The following GRHL2 variants were observed in gnomAD, a reference collection of about 807,000 sequenced individuals.
The protein encoded by GRHL2 is grainyhead-like protein 2 homolog.
GRHL2 carries 21 observed loss-of-function variants against 83.8 expected under a neutral mutation model. The observed-to-expected ratio is 0.25, with a 90% CI of 0.18 to 0.36. The LOEUF (loss-of-function observed/expected upper bound fraction) is 0.36, where lower values mean the gene tolerates loss of function less well. Ranked by LOEUF, GRHL2 falls within the 10% of genes least tolerant of loss-of-function variation. The probability of loss-of-function intolerance (pLI) is 1.00; values close to 1 mark genes in which losing one functional copy is unlikely to be tolerated. For synonymous variants in GRHL2, 280 were observed against 278.9 expected (o/e 1.00, Z -0.04); for missense variants, 623 against 781.8 (o/e 0.80, Z 2.42).
At chr8:101,559,530 C>A (rs1188665769) in intron 4 of GRHL2, among the ~76,000 whole-genome samples, 1 of 151,916 alleles carries the variant, frequency 6.6e-6, no homozygotes, top group Non-Finnish European at 1.5e-5. Flanking sequence ...AACTCCATCT[C>A]AAAACAAAGC....
At chr8:101,555,890 A>C (rs1296359130) in intron 3 of GRHL2, among the ~76,000 whole-genome samples, 1 of 152,212 alleles carries the variant, frequency 6.6e-6, no homozygotes, top group Non-Finnish European at 1.5e-5. Flanking sequence ...CTTGGTACTT[A>C]GGCAAGCTCA....
chr8:101,646,398 T>C (rs540313884), intron 13 of GRHL2, among the ~76,000 whole-genome samples: 24 of 152,286 alleles, frequency 1.6e-4, no homozygotes, highest in African/African-American at 5.8e-4. Flanking sequence ...AGCACAAAAA[T>C]TGCCTCTAGA....
At chr8:101,618,516 TG>T (rs1344593099) in intron 8 of GRHL2, among the ~76,000 whole-genome samples, 1 of 152,192 alleles carries the variant, frequency 6.6e-6, no homozygotes, top group African/African-American at 2.4e-5. Flanking sequence ...ATCTACATTT[TG>T]TCCTGCAGGG....
chr8:101,549,370 A>G (rs1304698105), intron 2 of GRHL2, among the ~76,000 whole-genome samples: 3 of 152,214 alleles, frequency 2.0e-5, no homozygotes, highest in Non-Finnish European at 4.4e-5. Flanking sequence ...ATCAGACTGC[A>G]TTTTAAGCAG....
chr8:101,569,182 C>T (rs547553896), intron 4 of GRHL2, among the ~76,000 whole-genome samples: 18 of 152,256 alleles, frequency 1.2e-4, no homozygotes, highest in African/African-American at 3.9e-4. Flanking sequence ...TATTCGCTTC[C>T]GATCAAGAAT....
chr8:101,526,861 G>T (rs983467307), intron 1 of GRHL2, among the ~76,000 whole-genome samples: 2 of 152,170 alleles, frequency 1.3e-5, no homozygotes, highest in Non-Finnish European at 1.5e-5. Context: ...GGTACCCAAA[G>T]TGTGAGGTTA....
chr8:101,513,434 A>G (rs972489380), intron 1 of GRHL2, among the ~76,000 whole-genome samples: 3 of 149,956 alleles, frequency 2.0e-5, no homozygotes, highest in Non-Finnish European at 4.4e-5. Context: ...TGTAACTGAC[A>G]CGGGTCTCCT....
chr8:101,570,375 A>G lies in GRHL2; in HGVS notation c.715A>G (p.Met239Val), dbSNP rs370430018. 1.7e-5 allele frequency: 27 copies of G among 1,613,940 alleles called. No individual in the cohort carries two copies. Among genetic ancestry groups the G allele is most frequent in the Non-Finnish European group, 2.3e-5 (27 of 1,179,824 alleles). Residue 239 changes from methionine to valine, a missense_variant, in exon 5 of 16, where the codon ATG becomes GTG. Physicochemically the swap from Met to Val is conservative, Grantham distance 21 (BLOSUM62 1). This residue lies in a region of GRHL2 where 239 missense variants were observed against 240.5 expected (regional missense o/e 0.99). Transcript: ENST00000646743. ...TGCTTCAGTTGGGGCTGAGGAGTACATGTATGATCAGACATCAAGGTGAGT... is the reference window on the plus strand; with the variant it reads ...TGCTTCAGTTGGGGCTGAGGAGTACGTGTATGATCAGACATCAAGGTGAGT... The part of the protein sequence containing the change: ...RSASVGAEEY[M>V]YDQTSSGTFQ...
chr8:101,499,786 A>C (rs2129965787), intron 1 of GRHL2, among the ~76,000 whole-genome samples: 1 of 152,290 alleles, frequency 6.6e-6, no homozygotes, highest in East Asian at 1.9e-4. Flanking sequence ...CAATTATAAA[A>C]ACTAGGCCTG....
intron 2 of GRHL2, among the ~76,000 whole-genome samples, chr8:101,545,514 T>A (rs912624237): frequency 1.3e-5 from 2 of 151,638 alleles, no homozygotes; most frequent in East Asian, 1.9e-4. Context: ...TTTTTATTCT[T>A]CTTCTTCTTT....
chr8:101,566,717 G>A (rs1008557690), intron 4 of GRHL2, among the ~76,000 whole-genome samples: 1 of 151,150 alleles, frequency 6.6e-6, no homozygotes, highest in African/African-American at 2.4e-5. Context: ...ATGTTTCTCT[G>A]GAAACATTGC....
chr8:101,619,641 C>T lies in GRHL2; in HGVS notation c.1201C>T (p.Arg401Cys). ...GATTGACACATACAGTTATAACAAT[C>T]GTAGCAATAAACCCATTCATAGAGC... ...IQIDTYSYNN[R>C]SNKPIHRAYC... Residue 401 changes from arginine (R) to cysteine (C), a missense_variant, in exon 9 of 16, where the codon CGT becomes TGT. By Grantham distance (180) the Arg-to-Cys change is radical. Around this residue, in one of 8 missense-constraint regions of GRHL2, gnomAD observed 24 missense variants for 25.5 expected, o/e 0.94. Transcript: ENST00000646743. 9 of 1,612,964 alleles carry T rather than the reference C, an allele frequency of 5.6e-6. No homozygotes were observed. Among genetic ancestry groups the T allele is most frequent in the Non-Finnish European group, 7.6e-6 (9 of 1,179,048 alleles).
At chr8:101,631,342 G>A (rs557095213) in intron 9 of GRHL2, among the ~76,000 whole-genome samples, 2 of 152,316 alleles carry the variant, frequency 1.3e-5, no homozygotes, top group Admixed American at 6.5e-5. Flanking sequence ...AGGGAACTGG[G>A]TTGATTCTTT....
At position 101,652,563 on chromosome 8, in the gene GRHL2, GGTGT is replaced by G. The variant is rs1225915945; in HGVS notation, c.1698+3072_1698+3075del. Among the ~76,000 whole-genome samples, 6 of 63,904 alleles carry G rather than the reference GGTGT, an allele frequency of 9.4e-5. No homozygotes were observed. In the East Asian group the frequency reaches 1.9e-3, roughly 20 times the overall value. 41.9% of individuals were successfully genotyped at this position (63,904 alleles called of 152,430 possible). On this transcript the variant is annotated intron_variant, in intron 14 of 15. Coordinates refer to ENST00000646743, the MANE Select transcript of GRHL2 (RefSeq NM_024915.4). ...TGTGTGTGTGGTGTGTATGTGTGGT[GGTGT>G]GTGTGTGGTGTGTGTGGTGTCTGTG...
intron 1 of GRHL2, among the ~76,000 whole-genome samples, chr8:101,526,345 A>G (rs183897900): frequency 2.0e-5 from 3 of 152,296 alleles, no homozygotes; most frequent in African/African-American, 7.2e-5. Context: ...GTGTTATTCT[A>G]TAACATCATG....
chr8:101,518,437 C>T (rs1270257087), intron 1 of GRHL2, among the ~76,000 whole-genome samples: 1 of 152,064 alleles, frequency 6.6e-6, no homozygotes, highest in Non-Finnish European at 1.5e-5. Flanking sequence ...TAAATAAAAT[C>T]CCTAGTATAG....
intron 7 of GRHL2, among the ~76,000 whole-genome samples, chr8:101,591,215 C>G (rs1812274544): frequency 6.6e-6 from 1 of 152,230 alleles, no homozygotes; most frequent in Admixed American, 6.5e-5. Flanking sequence ...CCAAATATAG[C>G]TTGCCAGAAA....
intron 3 of GRHL2, among the ~76,000 whole-genome samples, chr8:101,555,507 T>A (rs1323876657): frequency 6.6e-6 from 1 of 152,246 alleles, no homozygotes; most frequent in Non-Finnish European, 1.5e-5. Flanking sequence ...GAGGAATATC[T>A]ATTAACATTC....
chr8:101,636,837 G>T, intron 11 of GRHL2, 60 bp from the exon 12 acceptor site: 1 of 1,467,116 alleles, frequency 6.8e-7, no homozygotes, highest in African/African-American at 1.4e-5. Context: ...TGTACATCAC[G>T]TAATATTTTT....
Sources: gnomAD v4.1 joint callset for allele counts (sites outside exome capture counted in the v4.1 genomes callset) on GRCh38, gnomAD v4.1.1 for gene constraint, gnomAD v4.1.1 regional missense constraint, MANE v1.5 for transcripts, NCBI Gene and HGNC (gene_info 2026-07-23, HGNC 2026-07-21) for gene names.